SPAM1: variants seen among roughly 807,000 people sequenced by gnomAD.
SPAM1 encodes hyaluronidase PH-20.
A neutral mutation model predicts 29.6 loss-of-function variants in SPAM1; 22 were observed. That is an observed-to-expected ratio of 0.74 (90% confidence interval 0.53 to 1.06). The LOEUF (loss-of-function observed/expected upper bound fraction) is 1.06. Ranked by LOEUF, SPAM1 falls within the 50% of genes least tolerant of loss-of-function variation. The probability of loss-of-function intolerance (pLI) is 0.00; values close to 1 mark genes in which losing one functional copy is unlikely to be tolerated. For synonymous variants in SPAM1, 194 were observed against 204.6 expected (o/e 0.95, Z 0.44); for missense variants, 534 against 604.0 (o/e 0.88, Z 1.21).
rs138686801 is a variant in SPAM1 at position 123,929,448 on chromosome 7, G to A, written c.-319+4096G>A. ...ACTACAGTATCACCCTGGGTAGGAA[G>A]AGCCAATCAAAATCACTATGAGGGG... On this transcript the variant is annotated intron_variant, in intron 1 of 4. Coordinates refer to ENST00000682466, the MANE Select transcript of SPAM1 (RefSeq NM_153189.3). Among the ~76,000 whole-genome samples, 11 of 152,258 alleles carry A rather than the reference G, an allele frequency of 7.2e-5. No homozygotes were observed. In the East Asian group the frequency reaches 2.1e-3, roughly 29 times the overall value.
At chr7:123,930,694 T>C (rs1808046694) in intron 1 of SPAM1, among the ~76,000 whole-genome samples, 1 of 152,152 alleles carries the variant, frequency 6.6e-6, no homozygotes, top group African/African-American at 2.4e-5. Flanking sequence ...AGACTCCTTA[T>C]AGACTGGGAC....
intron 5 of SPAM1, among the ~76,000 whole-genome samples, chr7:123,969,307 C>T (rs1013868163): frequency 2.0e-5 from 3 of 151,960 alleles, no homozygotes; most frequent in African/African-American, 7.2e-5. Context: ...TCCCATTTGT[C>T]TATTTTTGGT....
At chr7:123,935,281 A>AGTGGCATATTTTGGG (rs1366381212) in intron 1 of SPAM1, among the ~76,000 whole-genome samples, 1 of 152,172 alleles carries the variant, frequency 6.6e-6, no homozygotes, top group Admixed American at 6.5e-5. Context: ...AATATGCCAA[A>AGTGGCATATTTTGGG]GTGGCATATT....
At chr7:123,963,856 T>C (rs1792389929), downstream of SPAM1, among the ~76,000 whole-genome samples, 1 of 151,910 alleles carries the variant, frequency 6.6e-6, no homozygotes, top group Non-Finnish European at 1.5e-5. Flanking sequence ...GAAGGTCAAT[T>C]GTTTAGAAGA....
chr7:123,930,531 A>T lies in SPAM1; in HGVS notation c.-319+5179A>T, dbSNP rs913716717. ...ATGAAAAGACTCTCATTTCACAAAC[A>T]TTGTAAGAATAATGATTGTGAAAAT... On this transcript the variant is annotated intron_variant, in intron 1 of 4. Coordinates refer to ENST00000682466, the MANE Select transcript of SPAM1 (RefSeq NM_153189.3). 3.3e-5 allele frequency among the ~76,000 whole-genome samples: 5 copies of T among 152,196 alleles called. No homozygotes were observed. In the South Asian group the frequency reaches 1.0e-3, roughly 31 times the overall value.
chr7:123,959,457 TCTGA>T (rs1584962550), intron 4 of SPAM1, 23 bp from the exon 5 acceptor site: 4 of 1,495,582 alleles, frequency 2.7e-6, no homozygotes, highest in Non-Finnish European at 3.6e-6. Context: ...CCTTTGATAT[TCTGA>T]CTGTCTTATA....
At position 123,953,428 on chromosome 7, in the gene SPAM1, G is replaced by A; in HGVS notation, c.-143G>A. 1 of 502,588 alleles carries A rather than the reference G, an allele frequency of 2.0e-6. No homozygotes were observed. The highest frequency in any genetic ancestry group is 3.5e-6 in the Non-Finnish European group (1 of 289,288). The allele number at this position is 502,588 out of a possible 1,614,324, so 31.1% of individuals were successfully genotyped here. On this transcript the variant is annotated 5_prime_UTR_variant, in exon 3 of 5. The change abolishes an upstream ATG in the 5' untranslated region. Coordinates refer to ENST00000682466, the MANE Select transcript of SPAM1 (RefSeq NM_153189.3). ...GAAACAAGAATAATAATATTTAAAT[G>A]TAACTTAATCATTATACCTCTTTAT...
intron 4 of SPAM1, among the ~76,000 whole-genome samples, chr7:123,958,722 C>T (rs1182962388): frequency 1.3e-5 from 2 of 151,658 alleles, no homozygotes; most frequent in Non-Finnish European, 2.9e-5. Flanking sequence ...GTTCCAGCTA[C>T]TCAGGGGGCC....
chr7:123,965,339 C>T (rs1792408986), intron 5 of SPAM1, among the ~76,000 whole-genome samples: 1 of 151,994 alleles, frequency 6.6e-6, no homozygotes, highest in Non-Finnish European at 1.5e-5. Context: ...TCTTTTGTTG[C>T]AATCGCTTTT....
chr7:123,966,244 G>T (rs1457609033), intron 5 of SPAM1, among the ~76,000 whole-genome samples: 1 of 151,986 alleles, frequency 6.6e-6, no homozygotes, highest in African/African-American at 2.4e-5. Flanking sequence ...CAGTCAGAAT[G>T]GCAATTATTA....
At chr7:123,925,772 G>A (rs1807861622) in intron 1 of SPAM1, 1 of 151,156 alleles carries the variant, frequency 6.6e-6, no homozygotes, top group East Asian at 1.9e-4. Flanking sequence ...GGAGGGATTG[G>A]TTAATAAGAC....
At chr7:123,967,853 T>C (rs1164448318) in intron 5 of SPAM1, among the ~76,000 whole-genome samples, 1 of 151,976 alleles carries the variant, frequency 6.6e-6, no homozygotes. Context: ...TGTGGAGAAA[T>C]TGGGTCTTTG....
chr7:123,943,861 C>G (rs887146538), intron 1 of SPAM1, among the ~76,000 whole-genome samples: 1 of 151,978 alleles, frequency 6.6e-6, no homozygotes, highest in Non-Finnish European at 1.5e-5. Flanking sequence ...AAACAATAAG[C>G]CTTAATAAAG....
chr7:123,931,046 C>T (rs1808064698), intron 1 of SPAM1, among the ~76,000 whole-genome samples: 1 of 151,522 alleles, frequency 6.6e-6, no homozygotes, highest in African/African-American at 2.4e-5. Flanking sequence ...CCATACTGAC[C>T]CCTCATTAAA....
In SPAM1 at chr7:123,959,618, T is replaced by C. The variant is rs772113134; in HGVS notation, c.1179T>C (p.Asn393=). The change falls in exon 5 of 5, where the codon AAT becomes AAC. Residue 393 remains asparagine (N), a synonymous_variant. Transcript: ENST00000682466. Reference sequence around the variant, plus strand: ...GAGTGTGTATAAGGAAAAACTGGAATTCAAGTGACTATCTTCACCTCAACC... The same window carrying C: ...GAGTGTGTATAAGGAAAAACTGGAACTCAAGTGACTATCTTCACCTCAACC... ...EQGVCIRKNW[N]SSDYLHLNPD... is the part of the protein sequence containing the mutation. 5 of 1,613,338 alleles carry C rather than the reference T, an allele frequency of 3.1e-6. No individual in the cohort carries two copies. The African/African-American group carries it at 6.7e-5, about 22-fold the overall frequency.
intron 1 of SPAM1, among the ~76,000 whole-genome samples, chr7:123,937,453 T>G (rs924939246): frequency 6.6e-6 from 1 of 151,770 alleles, no homozygotes; most frequent in African/African-American, 2.4e-5. Flanking sequence ...TACAAAAAAT[T>G]AGCCGGGCAT....
In SPAM1 at chr7:123,936,346, G is replaced by A. The variant is rs1226178683; in HGVS notation, c.-319+10994G>A. Among the ~76,000 whole-genome samples, 4 of 152,206 alleles carry A rather than the reference G, an allele frequency of 2.6e-5. No individual in the cohort carries two copies. In the East Asian group the frequency reaches 7.7e-4, roughly 29 times the overall value. On this transcript the variant is annotated intron_variant, in intron 1 of 4. Transcript: ENST00000682466. ...ATTGATTGGTTGGGGTAAGAGGGAT[G>A]AAGTCATTAGGATGTGGAAATTTTA... is the stretch of plus-strand genomic sequence containing the variant.
At chr7:123,928,229 G>A (rs997599334) in intron 1 of SPAM1, among the ~76,000 whole-genome samples, 4 of 152,102 alleles carry the variant, frequency 2.6e-5, no homozygotes, top group African/African-American at 9.6e-5. Context: ...TCCAGGTAAC[G>A]CCCATTGACT....
chr7:123,964,943 G>T (rs1182428795), downstream of SPAM1, among the ~76,000 whole-genome samples: 1 of 151,996 alleles, frequency 6.6e-6, no homozygotes, highest in Non-Finnish European at 1.5e-5. Flanking sequence ...GTTTCCACAT[G>T]ATGCTGACAA....
Sources: gnomAD v4.1 joint callset for allele counts (sites outside exome capture counted in the v4.1 genomes callset) on GRCh38, gnomAD v4.1.1 for gene constraint, MANE v1.5 for transcripts, NCBI Gene and HGNC (gene_info 2026-07-23, HGNC 2026-07-21) for gene names.